ZFAND3: variants seen among roughly 807,000 people sequenced by gnomAD.
ZFAND3 encodes the protein AN1-type zinc finger protein 3.
Under a neutral mutation model 29.6 loss-of-function variants are expected in ZFAND3, and 10 were observed. The ratio of observed to expected loss-of-function variants is 0.34; its 90% CI spans 0.21 to 0.57. The LOEUF is 0.57. Among genes scored for constraint, ZFAND3 ranks in the 20% least tolerant of loss-of-function variants. The pLI is 0.86. For missense variants in ZFAND3, 230 were observed against 304.5 expected (o/e 0.76, Z 1.82); for synonymous variants, 128 against 112.6 (o/e 1.14, Z -0.87).
At chr6:38,038,262 G>A (rs1202199113) in intron 2 of ZFAND3, among the ~76,000 whole-genome samples, 2 of 152,172 alleles carry the variant, frequency 1.3e-5, no homozygotes, top group Admixed American at 1.3e-4. Context: ...GCATGTTGAC[G>A]ATACATTTTG....
At chr6:38,024,487 A>G (rs1027589387) in intron 2 of ZFAND3, among the ~76,000 whole-genome samples, 1 of 150,944 alleles carries the variant, frequency 6.6e-6, no homozygotes, top group African/African-American at 2.4e-5. Context: ...AAAAAAAAAA[A>G]GTACCTAAAC....
chr6:38,132,340 G>A lies in ZFAND3; in HGVS notation c.529+15601G>A, dbSNP rs114326938. On this transcript the variant is annotated intron_variant, in intron 5 of 5. Coordinates refer to ENST00000287218, the MANE Select transcript of ZFAND3 (RefSeq NM_021943.3). ...AGCCTGGACAATGTAGCAAAAACCCGTCTCTACAAAAAAATAAAATAAGCC... is the reference window on the plus strand; with the variant it reads ...AGCCTGGACAATGTAGCAAAAACCCATCTCTACAAAAAAATAAAATAAGCC... 4.1e-3 allele frequency among the ~76,000 whole-genome samples: 622 copies of A among 152,198 alleles called. 2 individuals are homozygous for A. The highest frequency in any genetic ancestry group is 0.014 in the African/African-American group (581 of 41,540).
intron 4 of ZFAND3, among the ~76,000 whole-genome samples, chr6:38,114,658 C>T (rs1765382784): frequency 6.6e-6 from 1 of 152,058 alleles, no homozygotes; most frequent in African/African-American, 2.4e-5. Flanking sequence ...CCAGCATCAC[C>T]ATCGGGGTCC....
At chr6:38,106,122 A>G (rs1765203596) in intron 4 of ZFAND3, among the ~76,000 whole-genome samples, 1 of 152,106 alleles carries the variant, frequency 6.6e-6, no homozygotes. Flanking sequence ...AGAAGAAGGT[A>G]GATGAGTAGC....
chr6:38,066,555 T>C (rs1466178512), intron 3 of ZFAND3, among the ~76,000 whole-genome samples: 2 of 152,236 alleles, frequency 1.3e-5, no homozygotes, highest in South Asian at 2.1e-4. Flanking sequence ...TTAGTAGTTA[T>C]GGATCCATTG....
At position 37,945,699 on chromosome 6, in the gene ZFAND3, G is replaced by T. The variant is rs1761889136; in HGVS notation, c.112+15700G>T. Among the ~76,000 whole-genome samples the T allele has an allele frequency of 3.9e-5, 6 of 152,144 alleles. No individual in the cohort carries two copies. The South Asian group carries it at 1.2e-3, about 31-fold the overall frequency. On this transcript the variant is annotated intron_variant, in intron 2 of 5. Transcript: ENST00000287218. ...CGACATAGTCTTATTTTAGTTATCA[G>T]TGGTAATTTATTTTTGGACACACCA...
At chr6:37,863,538 C>G (rs1764531944) in intron 1 of ZFAND3, among the ~76,000 whole-genome samples, 1 of 151,972 alleles carries the variant, frequency 6.6e-6, no homozygotes, top group Admixed American at 6.5e-5. Context: ...GATAATAGAA[C>G]TAGTGATTTC....
At chr6:37,936,453 A>G (rs935621883) in intron 2 of ZFAND3, among the ~76,000 whole-genome samples, 20 of 152,244 alleles carry the variant, frequency 1.3e-4, no homozygotes, top group Admixed American at 3.9e-4. Flanking sequence ...GGCAAACTTA[A>G]TATATGTTCC....
At chr6:37,936,698 A>G (rs1761704571) in intron 2 of ZFAND3, among the ~76,000 whole-genome samples, 1 of 152,182 alleles carries the variant, frequency 6.6e-6, no homozygotes, top group Non-Finnish European at 1.5e-5. Context: ...GTAATTGGGG[A>G]GCTTTAAATT....
intron 1 of ZFAND3, among the ~76,000 whole-genome samples, chr6:37,847,676 T>C (rs1007293791): frequency 3.3e-5 from 5 of 152,110 alleles, no homozygotes; most frequent in Admixed American, 6.5e-5. Context: ...TCTAGATACA[T>C]AGGAAAGAAG....
chr6:37,846,269 A>G (rs568033561), intron 1 of ZFAND3, among the ~76,000 whole-genome samples: 4 of 152,310 alleles, frequency 2.6e-5, no homozygotes, highest in Non-Finnish European at 5.9e-5. Flanking sequence ...ACAATATTCC[A>G]CTAAGAACCC....
intron 1 of ZFAND3, among the ~76,000 whole-genome samples, chr6:37,925,303 G>C (rs1345637326): frequency 6.6e-6 from 1 of 152,170 alleles, no homozygotes; most frequent in Non-Finnish European, 1.5e-5. Context: ...CATCATAGAA[G>C]CATTAAGGAA....
intron 2 of ZFAND3, among the ~76,000 whole-genome samples, chr6:37,941,388 G>T (rs1021293485): frequency 2.0e-5 from 3 of 152,176 alleles, no homozygotes; most frequent in Admixed American, 6.5e-5. Flanking sequence ...TTCAGTTGTA[G>T]TTTGCCTCTA....
intron 2 of ZFAND3, among the ~76,000 whole-genome samples, chr6:38,037,295 C>T (rs76937986): frequency 4.2e-3 from 634 of 152,242 alleles, no homozygotes; most frequent in Non-Finnish European, 6.3e-3. Context: ...CGTGGTGTAG[C>T]CTTCTTATTG....
At chr6:37,898,761 ATAAAAT>A in intron 1 of ZFAND3, among the ~76,000 whole-genome samples, 1 of 152,346 alleles carries the variant, frequency 6.6e-6, no homozygotes, top group African/African-American at 2.4e-5. Context: ...AAATGAGGAA[ATAAAAT>A]TAATTTTTGT....
chr6:38,100,273 A>T (rs929279447), intron 4 of ZFAND3, among the ~76,000 whole-genome samples: 1 of 152,136 alleles, frequency 6.6e-6, no homozygotes, highest in Non-Finnish European at 1.5e-5. Flanking sequence ...CATGTTGGCC[A>T]GGATGGTCTC....
chr6:37,970,908 A>C (rs539664493), intron 2 of ZFAND3, among the ~76,000 whole-genome samples: 40 of 149,812 alleles, frequency 2.7e-4, no homozygotes, highest in Non-Finnish European at 3.9e-4. Flanking sequence ...CCGTCTCAAA[A>C]CAAACAAACC....
Position 37,952,390 on chromosome 6 carries a change from G to T in ZFAND3, c.112+22391G>T, listed in dbSNP as rs540596495. On this transcript the variant is annotated intron_variant, in intron 2 of 5. Transcript: ENST00000287218. ...AGATTCAATTTCGGAACTTGATATT[G>T]GTCTGCTTAGGATTTCAATTTCTTC... Among the ~76,000 whole-genome samples, 49 of 152,030 alleles carry T rather than the reference G, an allele frequency of 3.2e-4. 1 individual carries two copies. The South Asian group carries it at 9.2e-3, about 28-fold the overall frequency.
At chr6:37,985,531 C>CA (rs1561956645) in intron 2 of ZFAND3, among the ~76,000 whole-genome samples, 10 of 109,028 alleles carry the variant, frequency 9.2e-5, no homozygotes, top group Non-Finnish European at 1.1e-4. Flanking sequence ...ACACACACCC[C>CA]CACACACGCC....
Sources: allele counts gnomAD v4.1 joint callset (sites outside exome capture counted in the v4.1 genomes callset), GRCh38; gene constraint gnomAD v4.1.1; transcripts MANE v1.5; gene names NCBI Gene and HGNC (gene_info 2026-07-23, HGNC 2026-07-21).